Variants in RIMS2 observed in about 807,000 individuals in gnomAD.
The protein encoded by RIMS2 is regulating synaptic membrane exocytosis 2.
Under a neutral mutation model 174.4 loss-of-function variants are expected in RIMS2, and 59 were observed. That is an observed-to-expected ratio of 0.34 (90% CI 0.27 to 0.42). RIMS2 has a LOEUF of 0.42. Among genes scored for constraint, RIMS2 ranks in the 10% least tolerant of loss-of-function variants. The pLI, the probability that RIMS2 is intolerant of heterozygous loss-of-function variation, is 1.00. For synonymous variants in RIMS2, 606 were observed against 572.5 expected, an observed-to-expected ratio of 1.06 and a Z score of -0.84; for missense variants, 1,620 against 1,666.3, an observed-to-expected ratio of 0.97 and a Z score of 0.48.
chr8:103,614,081 CTG>C (rs1428328801), intron 1 of RIMS2, among the ~76,000 whole-genome samples: 2 of 152,238 alleles, frequency 1.3e-5, no homozygotes, highest in African/African-American at 2.4e-5. Flanking sequence ...TCCTCTGGCT[CTG>C]AGCCCATCCC....
chr8:104,019,247 C>T (rs372522999), intron 19 of RIMS2, among the ~76,000 whole-genome samples: 1 of 152,122 alleles, frequency 6.6e-6, no homozygotes, highest in South Asian at 2.1e-4. Flanking sequence ...TTTTTATATA[C>T]TTCTTTTATC....
chr8:103,743,585 G>A (rs1176591866), intron 2 of RIMS2, among the ~76,000 whole-genome samples: 3 of 151,848 alleles, frequency 2.0e-5, no homozygotes, highest in Non-Finnish European at 4.4e-5. Context: ...TGATTTTATT[G>A]ATATCACAGA....
intron 19 of RIMS2, among the ~76,000 whole-genome samples, chr8:104,088,586 T>C (rs2097577810): frequency 6.6e-6 from 1 of 152,028 alleles, no homozygotes; most frequent in African/African-American, 2.4e-5. Flanking sequence ...CAATAATTAA[T>C]TTTTTAATTA....
intron 12 of RIMS2, among the ~76,000 whole-genome samples, chr8:103,931,961 T>C (rs1284239360): frequency 6.6e-6 from 1 of 152,154 alleles, no homozygotes; most frequent in East Asian, 1.9e-4. Flanking sequence ...ATATAAATGG[T>C]ATTGTTCTAC....
intron 19 of RIMS2, among the ~76,000 whole-genome samples, chr8:104,039,717 G>A (rs949634921): frequency 2.6e-5 from 4 of 151,582 alleles, no homozygotes; most frequent in Non-Finnish European, 4.4e-5. Flanking sequence ...TACGAAAGTC[G>A]GCATTTGCCT....
intron 15 of RIMS2, among the ~76,000 whole-genome samples, chr8:103,971,968 C>G (rs966158466): frequency 1.3e-5 from 2 of 152,120 alleles, no homozygotes; most frequent in African/African-American, 4.8e-5. Context: ...CAAAATGTTA[C>G]TGATTCATGT....
At chr8:103,922,884 A>G (rs1323793179) in intron 10 of RIMS2, among the ~76,000 whole-genome samples, 86 of 151,970 alleles carry the variant, frequency 5.7e-4, no homozygotes, top group Non-Finnish European at 2.9e-5. Flanking sequence ...TCTTTTTTAG[A>G]ATGATTTTGA....
intron 19 of RIMS2, among the ~76,000 whole-genome samples, chr8:104,173,722 G>C (rs756836054): frequency 7.6e-6 from 1 of 132,044 alleles, no homozygotes; most frequent in Non-Finnish European, 1.5e-5. Flanking sequence ...TCCACCTCCC[G>C]GGTTCACGCC....
chr8:103,768,639 T>C, intron 3 of RIMS2: 1 of 914,378 alleles, frequency 1.1e-6, no homozygotes. Context: ...GAGATAAAAA[T>C]ATTCCAGGAT....
chr8:103,607,915 A>T (rs1039272807), intron 1 of RIMS2, among the ~76,000 whole-genome samples: 1 of 139,274 alleles, frequency 7.2e-6, no homozygotes, highest in African/African-American at 2.8e-5. Context: ...AATTTTTTTC[A>T]AAGTTTTCAA....
Position 104,251,176 on chromosome 8 carries a change from T to C in RIMS2, c.3831+13T>C. ...AAAAGTTTTACAGGTATCTACTTAA[T>C]TGTTTATCCCTTACCTAAGAAAGTA... On this transcript the variant is annotated intron_variant, in intron 23 of 23. Transcript: ENST00000504942. 2 of 1,599,412 alleles carry C rather than the reference T, an allele frequency of 1.3e-6. No homozygotes were observed. Among genetic ancestry groups the C allele is most frequent in the South Asian group, 1.1e-5 (1 of 89,758 alleles).
chr8:104,123,083 T>A (rs1326149159), intron 19 of RIMS2, among the ~76,000 whole-genome samples: 1 of 152,090 alleles, frequency 6.6e-6, no homozygotes, highest in Non-Finnish European at 1.5e-5. Flanking sequence ...CTGAATACAT[T>A]AGACTGAAGT....
chr8:104,164,887 A>G (rs139608731), intron 19 of RIMS2, among the ~76,000 whole-genome samples: 17 of 152,276 alleles, frequency 1.1e-4, no homozygotes, highest in African/African-American at 4.1e-4. Context: ...AATAATCTGT[A>G]CAACCAACCC....
At chr8:104,211,807 C>G (rs1186772162) in intron 19 of RIMS2, among the ~76,000 whole-genome samples, 1 of 152,058 alleles carries the variant, frequency 6.6e-6, no homozygotes, top group Non-Finnish European at 1.5e-5. Flanking sequence ...AGCCACCGCG[C>G]GTGACTGGAT....
intron 13 of RIMS2, among the ~76,000 whole-genome samples, chr8:103,940,109 G>T (rs2154537424): frequency 6.6e-6 from 1 of 152,158 alleles, no homozygotes; most frequent in East Asian, 1.9e-4. Flanking sequence ...TTTTAGCAGT[G>T]TCTCACTGTA....
At chr8:104,181,980 T>A (rs2441892) in intron 19 of RIMS2, among the ~76,000 whole-genome samples, 1 of 151,454 alleles carries the variant, frequency 6.6e-6, no homozygotes, top group Non-Finnish European at 1.5e-5. Flanking sequence ...CCTTGAATCC[T>A]ATCTTAACTG....
chr8:103,658,183 G>C (rs1039567127), intron 1 of RIMS2, among the ~76,000 whole-genome samples: 1 of 152,254 alleles, frequency 6.6e-6, no homozygotes, highest in Non-Finnish European at 1.5e-5. Flanking sequence ...TATTAGGTTG[G>C]TGCAAAAGTA....
chr8:103,850,427 C>T (rs927484353), intron 3 of RIMS2, among the ~76,000 whole-genome samples: 42 of 151,948 alleles, frequency 2.8e-4, no homozygotes, highest in African/African-American at 9.4e-4. Flanking sequence ...GTTGACAGCT[C>T]AGTAGATTTC....
intron 1 of RIMS2, among the ~76,000 whole-genome samples, chr8:103,547,028 C>A (rs1194369618): frequency 1.3e-5 from 2 of 152,134 alleles, no homozygotes; most frequent in African/African-American, 4.8e-5. Context: ...TTGAAGTAAA[C>A]TCCCATGGAA....
Sources: gnomAD v4.1 joint callset for allele counts (sites outside exome capture counted in the v4.1 genomes callset) on GRCh38, gnomAD v4.1.1 for gene constraint, MANE v1.5 for transcripts, NCBI Gene and HGNC (gene_info 2026-07-23, HGNC 2026-07-21) for gene names.